Variants in KMT2C observed in about 807,000 individuals in gnomAD.
KMT2C encodes the protein histone-lysine N-methyltransferase 2C.
A neutral mutation model predicts 507.9 loss-of-function variants in KMT2C; 88 were observed. The observed-to-expected ratio is 0.17, with a 90% confidence interval of 0.15 to 0.21. The LOEUF is 0.21. Ranked by LOEUF, KMT2C falls within the 10% of genes least tolerant of loss-of-function variation. KMT2C has a pLI of 1.00. For missense variants in KMT2C, 4,954 were observed against 5,957.8 expected, an observed-to-expected ratio of 0.83 and a Z score of 5.55; for synonymous variants, 2,049 against 2,080.8, an observed-to-expected ratio of 0.98 and a Z score of 0.42.
intron 50 of KMT2C, 77 bp downstream of exon 50, chr7:152,151,365 T>C (rs1242451360): frequency 9.6e-6 from 14 of 1,457,786 alleles, no homozygotes; most frequent in Non-Finnish European, 1.3e-5. Context: ...TGTCTCTCTC[T>C]GATGTTGGAA....
intron 1 of KMT2C, among the ~76,000 whole-genome samples, chr7:152,363,175 GTTTTTAAGGAAAGTTTGA>G (rs2097210595): frequency 6.6e-6 from 1 of 152,168 alleles, no homozygotes; most frequent in South Asian, 2.1e-4. Flanking sequence ...TCCAGTTTCA[GTTTTTAAGGAAAGTTTGA>G]AGTCTAATTA....
intron 55 of KMT2C, among the ~76,000 whole-genome samples, chr7:152,140,397 C>T (rs918930153): frequency 2.6e-5 from 4 of 152,170 alleles, no homozygotes; most frequent in Non-Finnish European, 4.4e-5. Flanking sequence ...GAAGTTTGAA[C>T]GGGCTGAAAT....
Position 152,413,877 on chromosome 7 carries a change from C to T in KMT2C, c.161+21749G>A, listed in dbSNP as rs1415845338. 1.9e-3 allele frequency among the ~76,000 whole-genome samples: 151 copies of T among 78,312 alleles called. No individual in the cohort carries two copies. The Middle Eastern group carries it at 0.023, about 12-fold the overall frequency. The allele number at this position is 78,312 out of a possible 152,430, so 51.4% of individuals were successfully genotyped here. Reference sequence around the variant, plus strand: ...TCCAGTCCGGGTGACAAGAGCAAAACTCCGTCTCAAAAAAAAAAAAAAATT... The same window carrying T: ...TCCAGTCCGGGTGACAAGAGCAAAATTCCGTCTCAAAAAAAAAAAAAAATT... On this transcript the variant is annotated intron_variant, in intron 1 of 58. Transcript: ENST00000262189.
Position 152,310,049 on chromosome 7 carries a change from C to T in KMT2C, c.766G>A (p.Val256Met). The change falls in exon 6 of 59, where the codon GTG (valine) becomes ATG (methionine). Residue 256 changes from valine to methionine, a missense_variant. Coordinates refer to ENST00000262189, the MANE Select transcript of KMT2C (RefSeq NM_170606.3). ...TGGCATACTCCTAGTGACCACTCCA[C>T]ACAACGGTGATGAGCCCAACAAGTG... ...TGTCWAHHRC[V>M]EWSLGVCQME... The T allele has an allele frequency of 6.2e-7, 1 of 1,613,692 alleles. No homozygotes were observed. The highest frequency in any genetic ancestry group is 8.5e-7 in the Non-Finnish European group (1 of 1,179,706).
chr7:152,327,268 A>G (rs761714173), intron 3 of KMT2C, among the ~76,000 whole-genome samples: 96 of 152,348 alleles, frequency 6.3e-4, no homozygotes, highest in Non-Finnish European at 1.2e-3. Context: ...TCATATATTC[A>G]TGAGTAGCTT....
At chr7:152,380,573 GAA>G (rs36092195) in intron 1 of KMT2C, among the ~76,000 whole-genome samples, 1 of 80,768 alleles carries the variant, frequency 1.2e-5, no homozygotes, top group East Asian at 3.9e-4. Context: ...TGTCTCAAAA[GAA>G]AAAAAAAAAA....
At position 152,176,519 on chromosome 7, in the gene KMT2C, C is replaced by T. The variant is rs199531141; in HGVS notation, c.8934G>A (p.Arg2978=). The T allele has an allele frequency of 1.2e-6, 2 of 1,614,044 alleles. No individual in the cohort carries two copies. The highest frequency in any genetic ancestry group is 1.6e-4 in the Middle Eastern group (1 of 6,062). Residue 2978 remains arginine, a synonymous_variant, in exon 38 of 59, where the codon AGG becomes AGA. Transcript: ENST00000262189. ...CACCCTGAGAAAAAACATGGTTTAC[C>T]CTAGAGACTACTGTCACATTAGAAT... ...AMNSNVTVVS[R]VNHVFSQGVQ...
At chr7:152,288,667 A>G (rs972278385) in intron 6 of KMT2C, among the ~76,000 whole-genome samples, 3 of 152,216 alleles carry the variant, frequency 2.0e-5, no homozygotes, top group African/African-American at 4.8e-5. Context: ...CAATTATTCG[A>G]AGACCCACAG....
At chr7:152,198,434 T>G (rs1468755019) in intron 27 of KMT2C, among the ~76,000 whole-genome samples, 2 of 152,216 alleles carry the variant, frequency 1.3e-5, no homozygotes, top group Non-Finnish European at 2.9e-5. Context: ...AAAATGAGTT[T>G]ATAAAATTAA....
intron 6 of KMT2C, among the ~76,000 whole-genome samples, chr7:152,278,996 T>C (rs1487216921): frequency 2.0e-5 from 3 of 152,194 alleles, no homozygotes; most frequent in African/African-American, 2.4e-5. Context: ...ATTCCAAAAA[T>C]AGAGAAAACA....
At chr7:152,343,209 T>G (rs1325314209) in intron 2 of KMT2C, among the ~76,000 whole-genome samples, 2 of 152,182 alleles carry the variant, frequency 1.3e-5, no homozygotes, top group Non-Finnish European at 2.9e-5. Context: ...CAACTATGAT[T>G]AATATGCTAA....
At chr7:152,367,447 A>G in intron 1 of KMT2C, 1 of 738,660 alleles carries the variant, frequency 1.4e-6, no homozygotes, top group Non-Finnish European at 2.4e-6. Context: ...GGAACTCCTG[A>G]GCTCAAACAA....
In KMT2C at chr7:152,320,396, A is replaced by T. The variant is rs58621567; in HGVS notation, c.390-5058T>A. ...CCCGAGTAGCTGGGACTACAGGCAC[A>T]CGCCACAACATCTAGCTAATTTTTG... On this transcript the variant is annotated intron_variant, in intron 3 of 58. Coordinates refer to ENST00000262189, the MANE Select transcript of KMT2C (RefSeq NM_170606.3). Among the ~76,000 whole-genome samples the T allele has an allele frequency of 9.7e-3, 1,470 of 152,212 alleles. 34 individuals carry two copies. Among genetic ancestry groups the T allele is most frequent in the African/African-American group, 0.034 (1,413 of 41,520 alleles).
At position 152,310,009 on chromosome 7, in the gene KMT2C, A is replaced by G. The variant is rs2096656265; in HGVS notation, c.806T>C (p.Leu269Ser). ...AACAGCTTTGTCCACGTTCACTAAC[A>G]ATGGTTCTTCCATCTGGCATACTCC... Reference protein sequence around the residue: ...SLGVCQMEEPLLVNVDKAVVS... With the variant: ...SLGVCQMEEPSLVNVDKAVVS... Residue 269 changes from leucine (L) to serine (S), a missense_variant, in exon 6 of 59, where the codon TTG (leucine) becomes TCG (serine). Around this residue, in one of 29 missense-constraint regions of KMT2C, gnomAD observed 233 missense variants for 263.6 expected, o/e 0.88. Coordinates refer to ENST00000262189, the MANE Select transcript of KMT2C (RefSeq NM_170606.3). 1 of 1,613,956 alleles carries G rather than the reference A, an allele frequency of 6.2e-7. No individual in the cohort carries two copies.
intron 36 of KMT2C, among the ~76,000 whole-genome samples, 165 bp downstream of exon 36, chr7:152,180,546 C>T (rs1425939442): frequency 1.3e-5 from 2 of 152,298 alleles, no homozygotes; most frequent in East Asian, 3.9e-4. Flanking sequence ...ATAAATTAAA[C>T]TGGTGTTAAT....
chr7:152,381,204 G>C (rs2097370448), intron 1 of KMT2C, among the ~76,000 whole-genome samples: 1 of 152,134 alleles, frequency 6.6e-6, no homozygotes, highest in Admixed American at 6.6e-5. Context: ...CTATGTGCTA[G>C]GCACTGTTCT....
rs1385213843 is a variant in KMT2C at position 152,207,341 on chromosome 7, G to C, written c.3800C>G (p.Thr1267Arg). 6.2e-7 allele frequency: 1 copy of C among 1,609,924 alleles called. No individual in the cohort carries two copies. The highest frequency in any genetic ancestry group is 8.5e-7 in the Non-Finnish European group (1 of 1,177,752). Residue 1267 changes from threonine to arginine, a missense_variant, in exon 24 of 59, where the codon ACA becomes AGA. By Grantham distance (71) the Thr-to-Arg change is moderately conservative. Transcript: ENST00000262189. Reference sequence around the variant, plus strand: ...CCTTTTTCTCTTTTTGACACCATCTGTTCCTTCCACTCCCTTAGTTTCATC... The same window carrying C: ...CCTTTTTCTCTTTTTGACACCATCTCTTCCTTCCACTCCCTTAGTTTCATC... Reference protein sequence around the residue: ...VDDETKGVEGTDGVKKRKRKP... With the variant: ...VDDETKGVEGRDGVKKRKRKP...
intron 2 of KMT2C, 84 bp from the exon 3 acceptor site, chr7:152,330,823 T>C: frequency 1.6e-6 from 2 of 1,257,358 alleles, no homozygotes; most frequent in Non-Finnish European, 1.1e-6. Flanking sequence ...AAAGCATAGG[T>C]CATAATGTAA....
At chr7:152,400,343 T>C (rs1451053888) in intron 1 of KMT2C, among the ~76,000 whole-genome samples, 1 of 152,146 alleles carries the variant, frequency 6.6e-6, no homozygotes, top group Admixed American at 6.5e-5. Context: ...ACTAAAGCCG[T>C]AACATGAAAA....
Sources: gnomAD v4.1 joint callset for allele counts (sites outside exome capture counted in the v4.1 genomes callset) on GRCh38, gnomAD v4.1.1 for gene constraint, gnomAD v4.1.1 regional missense constraint, MANE v1.5 for transcripts, NCBI Gene and HGNC (gene_info 2026-07-23, HGNC 2026-07-21) for gene names.